The following CARF variants were observed in gnomAD, a reference collection of about 807,000 sequenced individuals.
CARF encodes calcium responsive transcription factor.
A neutral mutation model predicts 82.0 loss-of-function variants in CARF; 57 were observed. That is an observed-to-expected ratio of 0.70 (90% CI 0.56 to 0.87). The LOEUF (loss-of-function observed/expected upper bound fraction) is 0.87. Ranked by LOEUF, CARF falls within the 40% of genes least tolerant of loss-of-function variation. The pLI is 0.00. For missense variants in CARF, 771 were observed against 855.8 expected (o/e 0.90, Z 1.24); for synonymous variants, 268 against 290.1 (o/e 0.92, Z 0.77).
At chr2:202,975,895 A>C (rs951626158) in intron 13 of CARF, among the ~76,000 whole-genome samples, 1 of 151,476 alleles carries the variant, frequency 6.6e-6, no homozygotes, top group African/African-American at 2.4e-5. Flanking sequence ...AAATACAAAA[A>C]TTAGCCGGGC....
intron 3 of CARF, among the ~76,000 whole-genome samples, chr2:202,937,354 TAC>T (rs1271331627): frequency 6.6e-6 from 1 of 152,128 alleles, no homozygotes; most frequent in African/African-American, 2.4e-5. Context: ...TATTATTTTA[TAC>T]AGAGTGTTTA....
At chr2:202,974,524 A>C in intron 13 of CARF, 28 bp downstream of exon 13, 1 of 1,559,218 alleles carries the variant, frequency 6.4e-7, no homozygotes, top group Non-Finnish European at 8.6e-7. Context: ...ATTCCTTATT[A>C]CAGAGTCTTT....
In CARF at chr2:202,985,075, G is replaced by A. The variant is rs1259195184; in HGVS notation, c.*1451G>A. The A allele has an allele frequency of 6.6e-6, 1 of 151,106 alleles. No homozygotes were observed. The highest frequency in any genetic ancestry group is 6.6e-5 in the Admixed American group (1 of 15,118). The allele number at this position is 151,106 out of a possible 1,614,324, so 9.4% of individuals were successfully genotyped here. ...CCATCTCAAAAAAAAAAAAAAGATT[G>A]GTAAACTAGAAATATCAACTATAAT... On this transcript the variant is annotated 3_prime_UTR_variant, in exon 17 of 17. Transcript: ENST00000438828.
intron 3 of CARF, among the ~76,000 whole-genome samples, chr2:202,934,962 A>G (rs761526865): frequency 6.6e-6 from 1 of 151,362 alleles, no homozygotes; most frequent in African/African-American, 2.4e-5. Flanking sequence ...CAGTAGTGCC[A>G]GTTACTTGGG....
chr2:202,961,204 C>G, intron 8 of CARF, 33 bp from the exon 9 acceptor site: 1 of 1,538,314 alleles, frequency 6.5e-7, no homozygotes, highest in East Asian at 2.3e-5. Context: ...AAGTGTATTG[C>G]TAGTAATTTT....
chr2:202,956,466 G>C (rs888503014), intron 8 of CARF, among the ~76,000 whole-genome samples: 2 of 151,976 alleles, frequency 1.3e-5, no homozygotes, highest in Non-Finnish European at 2.9e-5. Flanking sequence ...ATGTTGGCCA[G>C]ACTGGTCTCA....
rs964316999 is a variant in CARF at position 202,944,363 on chromosome 2, T to A, written c.306+1396T>A. 2.0e-5 allele frequency among the ~76,000 whole-genome samples: 3 copies of A among 152,190 alleles called. No individual in the cohort carries two copies. In the East Asian group the frequency reaches 5.8e-4, roughly 29 times the overall value. On this transcript the variant is annotated intron_variant, in intron 5 of 16. Coordinates refer to ENST00000438828, the MANE Select transcript of CARF (RefSeq NM_024744.17). Reference sequence around the variant, plus strand: ...TTTTCTGAATTTTCTACAATAAATATTTTATTACTTTCATAATAAAATTAA... The same window carrying A: ...TTTTCTGAATTTTCTACAATAAATAATTTATTACTTTCATAATAAAATTAA...
intron 3 of CARF, among the ~76,000 whole-genome samples, chr2:202,935,130 T>C (rs1417390824): frequency 2.8e-5 from 4 of 143,056 alleles, no homozygotes; most frequent in Non-Finnish European, 6.1e-5. Context: ...TTATTTATAA[T>C]TATATAATAT....
At chr2:202,928,305 A>AT (rs1439669350) in intron 3 of CARF, among the ~76,000 whole-genome samples, 5 of 151,838 alleles carry the variant, frequency 3.3e-5, no homozygotes, top group South Asian at 2.1e-4. Context: ...ACAGAATTTC[A>AT]TTTTTTTTAA....
chr2:202,970,874 T>TC (rs1165129994), intron 11 of CARF, among the ~76,000 whole-genome samples: 2 of 151,746 alleles, frequency 1.3e-5, no homozygotes, highest in African/African-American at 2.4e-5. Context: ...TTTTTTTTTT[T>TC]CATGGCTCTC....
intron 14 of CARF, 97 bp from the exon 15 acceptor site, chr2:202,981,458 C>T (rs1574814830): frequency 1.1e-6 from 1 of 901,824 alleles, no homozygotes; most frequent in African/African-American, 1.7e-5. Context: ...AAAGTATTTC[C>T]TATTTTAGTT....
chr2:202,966,253 T>C lies in CARF; in HGVS notation c.833-725T>C, dbSNP rs143679542. On this transcript the variant is annotated intron_variant, in intron 9 of 16. Coordinates refer to ENST00000438828, the MANE Select transcript of CARF (RefSeq NM_024744.17). ...GGAGGGGATTACTCAAGGACATGAA[T>C]GCTAGAAGGCATGGATTACTGGGGG... Among the ~76,000 whole-genome samples the C allele has an allele frequency of 6.6e-3, 1,012 of 152,274 alleles. 10 individuals are homozygous for C. Among genetic ancestry groups the C allele is most frequent in the Non-Finnish European group, 9.9e-3 (670 of 68,016 alleles).
intron 2 of CARF, among the ~76,000 whole-genome samples, chr2:202,919,442 C>T (rs1187220038): frequency 2.0e-5 from 3 of 152,146 alleles, no homozygotes; most frequent in Non-Finnish European, 4.4e-5. Context: ...GAATTCTTAC[C>T]CCTAAGCTAT....
At chr2:202,959,013 A>T (rs147716670) in intron 8 of CARF, among the ~76,000 whole-genome samples, 1 of 151,580 alleles carries the variant, frequency 6.6e-6, no homozygotes, top group African/African-American at 2.4e-5. Flanking sequence ...TCATTTAATG[A>T]TGTTTTACTA....
intron 13 of CARF, among the ~76,000 whole-genome samples, chr2:202,975,019 T>G (rs1044075561): frequency 6.6e-6 from 1 of 151,438 alleles, no homozygotes; most frequent in South Asian, 2.1e-4. Flanking sequence ...AACTCCATAA[T>G]AAAAACACTG....
At position 202,983,900 on chromosome 2, in the gene CARF, A is replaced by G. The variant is rs564377259; in HGVS notation, c.*276A>G. 8 of 296,720 alleles carry G rather than the reference A, an allele frequency of 2.7e-5. No individual in the cohort carries two copies. Among genetic ancestry groups the G allele is most frequent in the Non-Finnish European group, 4.3e-5 (7 of 162,736 alleles). The allele number at this position is 296,720 out of a possible 1,614,324, so 18.4% of individuals were successfully genotyped here. On this transcript the variant is annotated 3_prime_UTR_variant, in exon 17 of 17. Coordinates refer to ENST00000438828, the MANE Select transcript of CARF (RefSeq NM_024744.17). Reference sequence around the variant, plus strand: ...GTTCTGAATTTATCCACAGTAATATAGTCTGAACACAAATAGTTTACTTAA... The same window carrying G: ...GTTCTGAATTTATCCACAGTAATATGGTCTGAACACAAATAGTTTACTTAA...
chr2:202,976,739 A>T (rs1226861908), intron 13 of CARF, among the ~76,000 whole-genome samples: 1 of 137,298 alleles, frequency 7.3e-6, no homozygotes, highest in Non-Finnish European at 1.5e-5. Flanking sequence ...TTTGAGATAG[A>T]GTTTCACTGT....
chr2:202,973,411 A>AT (rs1349819124), intron 12 of CARF: 5 of 424,794 alleles, frequency 1.2e-5, no homozygotes, highest in Non-Finnish European at 2.3e-5. Context: ...TTATATATTG[A>AT]TTTTTTATAC....
chr2:202,921,940 C>T (rs896526211), intron 2 of CARF, among the ~76,000 whole-genome samples: 6 of 151,918 alleles, frequency 3.9e-5, no homozygotes, highest in African/African-American at 1.5e-4. Context: ...GTCCTCCCAC[C>T]TCAGCTTCCC....
Sources: allele counts gnomAD v4.1 joint callset (sites outside exome capture counted in the v4.1 genomes callset), GRCh38; gene constraint gnomAD v4.1.1; transcripts MANE v1.5; gene names NCBI Gene and HGNC (gene_info 2026-07-23, HGNC 2026-07-21).